The following LYN variants were observed in gnomAD, a reference collection of about 807,000 sequenced individuals.
LYN encodes the protein LYN proto-oncogene, Src family tyrosine kinase.
In LYN, 12 loss-of-function variants were observed where a neutral mutation model predicts 65.0. The ratio of observed to expected loss-of-function variants is 0.18; its 90% CI spans 0.12 to 0.30. LYN has a LOEUF of 0.30. Among genes scored for constraint, LYN ranks in the 10% least tolerant of loss-of-function variants. The probability of loss-of-function intolerance (pLI) is 1.00; values close to 1 mark genes in which losing one functional copy is unlikely to be tolerated. For synonymous variants in LYN, 222 were observed against 221.2 expected, an observed-to-expected ratio of 1.00 and a Z score of -0.03; for missense variants, 380 against 623.2, an observed-to-expected ratio of 0.61 and a Z score of 4.16.
At chr8:55,898,255 G>A (rs990960139) in intron 1 of LYN, among the ~76,000 whole-genome samples, 5 of 151,980 alleles carry the variant, frequency 3.3e-5, no homozygotes, top group Admixed American at 1.3e-4. Flanking sequence ...GTATGTGATC[G>A]TTTTATTGTC....
At chr8:55,910,184 C>T (rs1212075323) in intron 1 of LYN, among the ~76,000 whole-genome samples, 1 of 152,008 alleles carries the variant, frequency 6.6e-6, no homozygotes, top group Non-Finnish European at 1.5e-5. Flanking sequence ...GTTTTTGTTG[C>T]CTGTGCTTTT....
chr8:55,933,978 AGCACTTTGGGAG>A (rs1806341884), intron 1 of LYN, among the ~76,000 whole-genome samples: 1 of 152,250 alleles, frequency 6.6e-6, no homozygotes, highest in South Asian at 2.1e-4. Context: ...CTGTAATCCC[AGCACTTTGGGAG>A]GCCAAGGCGG....
Position 55,894,206 on chromosome 8 carries a change from C to A in LYN, c.-6+14103C>A, listed in dbSNP as rs112284736. The A allele has an allele frequency of 7.4e-3, 1,132 of 152,612 alleles. 16 individuals carry two copies. Among genetic ancestry groups the A allele is most frequent in the African/African-American group, 0.026 (1,066 of 41,452 alleles). The allele number at this position is 152,612 out of a possible 1,614,324, so 9.5% of individuals were successfully genotyped here. On this transcript the variant is annotated intron_variant, in intron 1 of 12. Coordinates refer to ENST00000519728, the MANE Select transcript of LYN (RefSeq NM_002350.4). Reference sequence around the variant, plus strand: ...CAGCTTATTTTTATTTTATTTTTTACTTTTTATTATTTTAGACAGGGTCTT... The same window carrying A: ...CAGCTTATTTTTATTTTATTTTTTAATTTTTATTATTTTAGACAGGGTCTT...
chr8:55,916,235 TG>T (rs1443760106), intron 1 of LYN, among the ~76,000 whole-genome samples: 1 of 152,228 alleles, frequency 6.6e-6, no homozygotes, highest in Non-Finnish European at 1.5e-5. Flanking sequence ...ACACTTATTT[TG>T]TTTTTTGAGG....
rs1322070214 is a variant in LYN at position 55,947,700 on chromosome 8, A to C, written c.261A>C (p.Gly87=). Residue 87 remains glycine, a synonymous_variant, in exon 4 of 13, where the codon GGA becomes GGC. Transcript: ENST00000519728. Reference sequence around the variant, plus strand: ...CGGACGACTTGTCTTTCAAGAAAGGAGAGAAGATGAAAGTCCTGGAGGAGT... The same window carrying C: ...CGGACGACTTGTCTTTCAAGAAAGGCGAGAAGATGAAAGTCCTGGAGGAGT... The part of the protein sequence containing the change: ...IHPDDLSFKK[G]EKMKVLEEHG... 6.2e-7 allele frequency: 1 copy of C among 1,613,754 alleles called. No individual in the cohort carries two copies. The highest frequency in any genetic ancestry group is 1.1e-5 in the South Asian group (1 of 91,082).
At chr8:56,002,834 T>C (rs1176720886) in intron 12 of LYN, among the ~76,000 whole-genome samples, 1 of 151,998 alleles carries the variant, frequency 6.6e-6, no homozygotes, top group Non-Finnish European at 1.5e-5. Flanking sequence ...TCACGAGAGT[T>C]GTATGTTACG....
intron 1 of LYN, among the ~76,000 whole-genome samples, chr8:55,887,575 T>TATATACAC (rs1554573193): frequency 1.3e-3 from 124 of 93,458 alleles, no homozygotes; most frequent in African/African-American, 4.6e-3. Context: ...TATATATATA[T>TATATACAC]ACACACACAC....
chr8:55,952,183 C>A, intron 7 of LYN, 68 bp downstream of exon 7: 1 of 1,301,354 alleles, frequency 7.7e-7, no homozygotes, highest in Non-Finnish European at 1.0e-6. Context: ...ACGTCAAACG[C>A]TATTTTTATA....
At chr8:55,942,381 GTATA>G (rs1371157353) in intron 2 of LYN, among the ~76,000 whole-genome samples, 4 of 137,042 alleles carry the variant, frequency 2.9e-5, no homozygotes, top group Non-Finnish European at 6.3e-5. Flanking sequence ...ATATATATGT[GTATA>G]TATATATGTG....
At chr8:55,908,206 G>A (rs1400243143) in intron 1 of LYN, among the ~76,000 whole-genome samples, 1 of 145,266 alleles carries the variant, frequency 6.9e-6, no homozygotes, top group African/African-American at 2.7e-5. Context: ...TTCCCAGACA[G>A]CTAAGCTGTT....
Position 55,929,411 on chromosome 8 carries a change from G to T in LYN, c.-5-12444G>T, listed in dbSNP as rs1806198424. On this transcript the variant is annotated intron_variant, in intron 1 of 12. Coordinates refer to ENST00000519728, the MANE Select transcript of LYN (RefSeq NM_002350.4). ...CTACCAGATCTGTGTATGTGTCTTTGTGTCTGTCTGTGTGTGTACAGGCAT... is the reference window on the plus strand; with the variant it reads ...CTACCAGATCTGTGTATGTGTCTTTTTGTCTGTCTGTGTGTGTACAGGCAT... Among the ~76,000 whole-genome samples the T allele has an allele frequency of 2.0e-5, 3 of 152,244 alleles. 1 individual carries two copies. In the South Asian group the frequency reaches 6.2e-4, roughly 32 times the overall value.
chr8:55,898,454 A>G (rs1805179155), intron 1 of LYN, among the ~76,000 whole-genome samples: 1 of 151,944 alleles, frequency 6.6e-6, no homozygotes, highest in Admixed American at 6.6e-5. Context: ...ATGCCTGGCT[A>G]ATTTTTGTAT....
At chr8:55,979,360 G>A (rs977396951) in intron 10 of LYN, among the ~76,000 whole-genome samples, 3 of 152,140 alleles carry the variant, frequency 2.0e-5, no homozygotes, top group Non-Finnish European at 4.4e-5. Flanking sequence ...GTTTTTTAAA[G>A]TGGTTTTCTT....
At chr8:55,897,111 G>A (rs561743359) in intron 1 of LYN, among the ~76,000 whole-genome samples, 71 of 152,272 alleles carry the variant, frequency 4.7e-4, no homozygotes, top group Non-Finnish European at 9.0e-4. Flanking sequence ...TTACTCACCC[G>A]AACGCTGGCT....
intron 1 of LYN, among the ~76,000 whole-genome samples, chr8:55,939,838 ACT>A (rs1806553662): frequency 6.6e-6 from 1 of 152,132 alleles, no homozygotes; most frequent in African/African-American, 2.4e-5. Context: ...TTAGAGATCA[ACT>A]CTAAACCCAT....
intron 1 of LYN, among the ~76,000 whole-genome samples, chr8:55,890,001 G>T (rs1007741017): frequency 7.3e-5 from 11 of 151,474 alleles, no homozygotes; most frequent in African/African-American, 2.7e-4. Context: ...GCTTAGCTGG[G>T]TGAAGTGGCT....
At chr8:55,893,041 GC>G (rs1804999352) in intron 1 of LYN, among the ~76,000 whole-genome samples, 1 of 152,124 alleles carries the variant, frequency 6.6e-6, no homozygotes, top group South Asian at 2.1e-4. Context: ...GCAGTACAAA[GC>G]CATTTGGTTT....
At chr8:55,931,143 A>G (rs1806258783) in intron 1 of LYN, among the ~76,000 whole-genome samples, 1 of 146,694 alleles carries the variant, frequency 6.8e-6, no homozygotes, top group South Asian at 2.1e-4. Context: ...ATAATAAAAT[A>G]TATTATATTT....
chr8:55,983,472 G>A (rs1349644499), intron 10 of LYN, among the ~76,000 whole-genome samples: 2 of 152,044 alleles, frequency 1.3e-5, no homozygotes, highest in African/African-American at 2.4e-5. Flanking sequence ...GCCTCCAGGT[G>A]TCTCCTCCCC....
Sources: gnomAD v4.1 joint callset for allele counts (sites outside exome capture counted in the v4.1 genomes callset) on GRCh38, gnomAD v4.1.1 for gene constraint, MANE v1.5 for transcripts, NCBI Gene and HGNC (gene_info 2026-07-23, HGNC 2026-07-21) for gene names.